Variants in AMOTL1 observed in about 807,000 individuals in gnomAD.
AMOTL1 encodes angiomotin-like protein 1.
A neutral mutation model predicts 102.9 loss-of-function variants in AMOTL1; 45 were observed. The ratio of observed to expected loss-of-function variants is 0.44; its 90% CI spans 0.34 to 0.56. AMOTL1 has a LOEUF of 0.56. Among genes scored for constraint, AMOTL1 ranks in the 20% least tolerant of loss-of-function variants. AMOTL1 has a pLI of 0.01. For missense variants in AMOTL1, 1,114 were observed against 1,225.6 expected (o/e 0.91, Z 1.36); for synonymous variants, 481 against 484.7 (o/e 0.99, Z 0.10).
chr11:94,775,643 A>C (rs905770534), intron 1 of AMOTL1, among the ~76,000 whole-genome samples: 13 of 152,212 alleles, frequency 8.5e-5, no homozygotes, highest in African/African-American at 2.7e-4. Flanking sequence ...CCTCAGTCAC[A>C]CTAGCCACAG....
rs779577913 is a variant in AMOTL1, at chr11:94,800,088, G to T, written c.898G>T (p.Ala300Ser). 2 of 1,613,958 alleles carry T rather than the reference G, an allele frequency of 1.2e-6. No individual in the cohort carries two copies. Among genetic ancestry groups the T allele is most frequent in the African/African-American group, 2.7e-5 (2 of 75,060 alleles). Residue 300 changes from alanine (A) to serine (S), a missense_variant, in exon 3 of 13, where the codon GCA (alanine) becomes TCA (serine). By Grantham distance (99) the Ala-to-Ser change is moderately conservative. Coordinates refer to ENST00000433060, the MANE Select transcript of AMOTL1 (RefSeq NM_130847.3). Reference protein sequence around the residue: ...VGGGPSPAQPAGKVLDPRGPP... With the variant: ...VGGGPSPAQPSGKVLDPRGPP... The stretch of plus-strand genomic sequence containing the variant: ...AGGGGGGCCCTCCCCTGCCCAGCCT[G>T]CAGGTAAAGTGCTGGACCCTCGGGG...
chr11:94,854,182 G>A (rs1040534114), intron 8 of AMOTL1, 100 bp downstream of exon 8: 98 of 1,386,224 alleles, frequency 7.1e-5, no homozygotes, highest in Non-Finnish European at 8.9e-5. Flanking sequence ...TTGCTCCCAG[G>A]ATTCAGAGGG....
intron 8 of AMOTL1, 85 bp downstream of exon 8, chr11:94,854,167 G>T: frequency 7.0e-7 from 1 of 1,419,646 alleles, no homozygotes; most frequent in Non-Finnish European, 9.3e-7. Context: ...GCCAGATCCT[G>T]CACCTTGCTC....
At chr11:94,783,747 A>G (rs548937124) in intron 1 of AMOTL1, among the ~76,000 whole-genome samples, 1 of 152,290 alleles carries the variant, frequency 6.6e-6, no homozygotes, top group South Asian at 2.1e-4. Context: ...GTCTCTCTTG[A>G]TAGACTTTCA....
At position 94,774,595 on chromosome 11, in the gene AMOTL1, T is replaced by G. The variant is rs144171819; in HGVS notation, c.49+6035T>G. Among the ~76,000 whole-genome samples the G allele has an allele frequency of 1.0e-3, 156 of 152,336 alleles. 2 individuals carry two copies. The East Asian group carries it at 0.025, about 25-fold the overall frequency. ...CAGGACAGTTGTTCTCAAATGTGATTGAGCATCAGAATACCCCAGAGGGTT... is the reference window on the plus strand; with the variant it reads ...CAGGACAGTTGTTCTCAAATGTGATGGAGCATCAGAATACCCCAGAGGGTT... On this transcript the variant is annotated intron_variant, in intron 1 of 12. Coordinates refer to ENST00000433060, the MANE Select transcript of AMOTL1 (RefSeq NM_130847.3).
At chr11:94,706,469 A>T (rs1348697638) in exon 1 of AMOTL1, 1 of 152,184 alleles carries the variant, frequency 6.6e-6, no homozygotes, top group Non-Finnish European at 1.5e-5. Flanking sequence ...TGCTCTTTTT[A>T]AACTCCACGG....
chr11:94,833,811 C>T (rs903437567), intron 6 of AMOTL1, among the ~76,000 whole-genome samples: 1 of 152,110 alleles, frequency 6.6e-6, no homozygotes, highest in Non-Finnish European at 1.5e-5. Context: ...GACAGATAAA[C>T]AAATGACAAC....
chr11:94,821,768 G>T lies in AMOTL1; in HGVS notation c.1360G>T (p.Val454Leu), dbSNP rs777399813. 47 of 1,613,916 alleles carry T rather than the reference G, an allele frequency of 2.9e-5. 1 individual carries two copies. The East Asian group carries it at 1.0e-3, about 35-fold the overall frequency. ...MVEILTEENR[V>L]LHQELQGYYD... The stretch of plus-strand genomic sequence containing the variant: ...GGAGATATTAACAGAGGAGAACCGG[G>T]TGCTTCACCAGGAACTTCAGGGTTA... The change falls in exon 4 of 13, where the codon GTG (valine) becomes TTG (leucine). Residue 454 changes from valine to leucine, a missense_variant. By Grantham distance (32) the Val-to-Leu change is conservative. Coordinates refer to ENST00000433060, the MANE Select transcript of AMOTL1 (RefSeq NM_130847.3).
chr11:94,773,984 A>G (rs1284315159), intron 1 of AMOTL1, among the ~76,000 whole-genome samples: 1 of 152,218 alleles, frequency 6.6e-6, no homozygotes, highest in Non-Finnish European at 1.5e-5. Flanking sequence ...CTGAAGCCTC[A>G]TGAGTAAAAT....
rs538199366 is a variant in AMOTL1 at position 94,779,191 on chromosome 11, TTAAC to T, written c.49+10634_49+10637del. Reference sequence around the variant, plus strand: ...GAAAAACGTAGCCCACAATAAGTCTTTAACTATTTGGATTACCTGGAAACTGCAT... The same window carrying T: ...GAAAAACGTAGCCCACAATAAGTCTTTATTTGGATTACCTGGAAACTGCAT... On this transcript the variant is annotated intron_variant, in intron 1 of 12. Coordinates refer to ENST00000433060, the MANE Select transcript of AMOTL1 (RefSeq NM_130847.3). Among the ~76,000 whole-genome samples, 43 of 152,338 alleles carry T rather than the reference TTAAC, an allele frequency of 2.8e-4. 2 individuals are homozygous for T. In the South Asian group the frequency reaches 8.9e-3, roughly 32 times the overall value.
At position 94,768,440 on chromosome 11, in the gene AMOTL1, C is replaced by T. The variant is rs1470616870; in HGVS notation, c.-72C>T. 27 of 1,546,278 alleles carry T rather than the reference C, an allele frequency of 1.7e-5. No homozygotes were observed. Among genetic ancestry groups the T allele is most frequent in the Non-Finnish European group, 2.3e-5 (26 of 1,147,028 alleles). On this transcript the variant is annotated 5_prime_UTR_variant, in exon 1 of 13. Coordinates refer to ENST00000433060, the MANE Select transcript of AMOTL1 (RefSeq NM_130847.3). ...CCCTGTGTGAATGGGGTTGATTGTC[C>T]GGCGCCACTTCCCCGCGCTGCCCGG...
At chr11:94,817,614 A>C (rs1409801774) in intron 3 of AMOTL1, among the ~76,000 whole-genome samples, 1 of 152,156 alleles carries the variant, frequency 6.6e-6, no homozygotes, top group East Asian at 1.9e-4. Context: ...CATAGAAGTA[A>C]CCCAATTTCC....
At chr11:94,865,032 G>A (rs1428029469) in intron 10 of AMOTL1, among the ~76,000 whole-genome samples, 172 bp downstream of exon 10, 1 of 152,170 alleles carries the variant, frequency 6.6e-6, no homozygotes, top group Non-Finnish European at 1.5e-5. Context: ...ACCTAAGCAC[G>A]TGGTTCCACT....
At chr11:94,800,390 C>T in intron 3 of AMOTL1, 79 bp downstream of exon 3, 1 of 1,443,426 alleles carries the variant, frequency 6.9e-7, no homozygotes, top group Non-Finnish European at 9.3e-7. Flanking sequence ...ATTTTCAGAG[C>T]AGATTAGGTT....
Position 94,721,383 on chromosome 11 carries a change from T to A in AMOTL1, c.-50-7538T>A, listed in dbSNP as rs543914831. ...TTAAAATTAATTTCACCTGTACTACTTTTTTTTTTTAAATGTGGTGTTATG... is the reference window on the plus strand; with the variant it reads ...TTAAAATTAATTTCACCTGTACTACATTTTTTTTTTAAATGTGGTGTTATG... On this transcript the variant is annotated intron_variant, in intron 1 of 4. Coordinates refer to the AMOTL1 transcript ENST00000299004. Among the ~76,000 whole-genome samples, 297 of 138,878 alleles carry A rather than the reference T, an allele frequency of 2.1e-3. 2 individuals carry two copies. The highest frequency in any genetic ancestry group is 7.7e-3 in the African/African-American group (249 of 32,404). The allele number at this position is 138,878 out of a possible 152,430, so 91.1% of individuals were successfully genotyped here. A position where few individuals can be genotyped will look rare whatever the true frequency, so the allele number is the denominator to read the frequency against.
chr11:94,860,812 G>A (rs1022055086), intron 9 of AMOTL1, among the ~76,000 whole-genome samples: 1 of 152,214 alleles, frequency 6.6e-6, no homozygotes, highest in Non-Finnish European at 1.5e-5. Flanking sequence ...CGAGAGAGGA[G>A]TAAAAGCCAC....
intron 3 of AMOTL1, among the ~76,000 whole-genome samples, chr11:94,807,793 C>T (rs1951592632): frequency 6.6e-6 from 1 of 150,520 alleles, no homozygotes; most frequent in African/African-American, 2.5e-5. Flanking sequence ...ACTGACTCAG[C>T]CCTTTGATAT....
rs375007595 is a variant in AMOTL1 at position 94,794,994 on chromosome 11, C to T, written c.50-17C>T. On this transcript the variant is annotated splice_polypyrimidine_tract_variant and intron_variant, in intron 1 of 12. Coordinates refer to ENST00000433060, the MANE Select transcript of AMOTL1 (RefSeq NM_130847.3). ...ACTTGATGGGCACTCATATTCACTT[C>T]GCTTTCTTTCCCCCAGGGTCCCCTT... The T allele has an allele frequency of 5.8e-4, 926 of 1,598,286 alleles. 8 individuals are homozygous for T. Among genetic ancestry groups the T allele is most frequent in the Middle Eastern group, 8.6e-4 (5 of 5,842 alleles).
intron 3 of AMOTL1, among the ~76,000 whole-genome samples, chr11:94,755,525 T>A (rs987135202): frequency 6.6e-6 from 1 of 152,194 alleles, no homozygotes; most frequent in Non-Finnish European, 1.5e-5. Context: ...TAACGATTTC[T>A]TTATAGAGAG....
Sources: gnomAD v4.1 joint callset for allele counts (sites outside exome capture counted in the v4.1 genomes callset) on GRCh38, gnomAD v4.1.1 for gene constraint, MANE v1.5 for transcripts, NCBI Gene and HGNC (gene_info 2026-07-23, HGNC 2026-07-21) for gene names.